HIP1: variants seen among roughly 807,000 people sequenced by gnomAD.
HIP1 encodes the protein huntingtin interacting protein 1, also known as huntingtin-interacting protein 1.
In HIP1, 65 loss-of-function variants were observed where a neutral mutation model predicts 147.6. The observed-to-expected ratio is 0.44, with a 90% CI of 0.36 to 0.54. The LOEUF (loss-of-function observed/expected upper bound fraction) is 0.54, where lower values mean the gene tolerates loss of function less well. HIP1 is among the 20% of genes least tolerant of loss of function. HIP1 has a pLI of 0.00. For synonymous variants in HIP1, 479 were observed against 504.0 expected (o/e 0.95, Z 0.67); for missense variants, 1,061 against 1,299.6 (o/e 0.82, Z 2.82).
chr7:75,558,638 AAT>A (rs1289991871), intron 14 of HIP1, among the ~76,000 whole-genome samples: 1 of 152,186 alleles, frequency 6.6e-6, no homozygotes, highest in East Asian at 1.9e-4. Context: ...TTGATTTAGG[AAT>A]GCATATATGC....
chr7:75,706,623 A>ATTTTTTTT (rs71082342), intron 1 of HIP1, among the ~76,000 whole-genome samples: 7 of 103,642 alleles, frequency 6.8e-5, no homozygotes, highest in Admixed American at 1.1e-4. Flanking sequence ...TCAACTCGTC[A>ATTTTTTTT]TTTTTTTTTT....
At chr7:75,725,416 C>T (rs1235351258) in intron 1 of HIP1, among the ~76,000 whole-genome samples, 2 of 152,082 alleles carry the variant, frequency 1.3e-5, no homozygotes, top group African/African-American at 4.8e-5. Context: ...TATCAAAAAC[C>T]ATTACCGAGG....
chr7:75,551,596 AC>A (rs1749859214), intron 22 of HIP1, among the ~76,000 whole-genome samples: 1 of 151,516 alleles, frequency 6.6e-6, no homozygotes, highest in Non-Finnish European at 1.5e-5. Context: ...CTGCAGGTGA[AC>A]CACTCTGCAG....
At chr7:75,565,175 G>C (rs2116855194) in intron 9 of HIP1, among the ~76,000 whole-genome samples, 1 of 152,320 alleles carries the variant, frequency 6.6e-6, no homozygotes, top group South Asian at 2.1e-4. Context: ...ACTTAGGCCT[G>C]TCTCTGTCTC....
intron 1 of HIP1, among the ~76,000 whole-genome samples, chr7:75,621,302 A>T (rs1214401473): frequency 2.1e-5 from 3 of 143,994 alleles, no homozygotes; most frequent in Non-Finnish European, 3.2e-5. Context: ...AGGCGCGAGG[A>T]AGTATGGCTA....
chr7:75,694,653 G>A (rs1648642164), intron 1 of HIP1, among the ~76,000 whole-genome samples: 1 of 148,996 alleles, frequency 6.7e-6, no homozygotes, highest in Non-Finnish European at 1.5e-5. Flanking sequence ...TGAGACTACA[G>A]GCACCACCAC....
rs149373358 is a variant in HIP1, at chr7:75,579,517, C to T, written c.604+1720G>A. On this transcript the variant is annotated intron_variant, in intron 7 of 30. Transcript: ENST00000336926. ...ATGTTGCCCAGGCTGGTCTTGAACTCCTGACTTCAGGTGATCCGCCCCCCT... is the reference window on the plus strand; with the variant it reads ...ATGTTGCCCAGGCTGGTCTTGAACTTCTGACTTCAGGTGATCCGCCCCCCT... Among the ~76,000 whole-genome samples, 1,324 of 151,956 alleles carry T rather than the reference C, an allele frequency of 8.7e-3. 15 individuals are homozygous for T. The highest frequency in any genetic ancestry group is 0.029 in the African/African-American group (1,218 of 41,336).
rs1794899496 is a variant in HIP1 at position 75,554,102 on chromosome 7, C to T, written c.2158+11G>A. On this transcript the variant is annotated intron_variant, in intron 21 of 30. Transcript: ENST00000336926. Reference sequence around the variant, plus strand: ...TGGTCCATGAACAGCCCCTCATGCCCCGGTACTCACAGTCGGCAGGCTCAG... The same window carrying T: ...TGGTCCATGAACAGCCCCTCATGCCTCGGTACTCACAGTCGGCAGGCTCAG... 1.2e-6 allele frequency: 2 copies of T among 1,606,958 alleles called. No individual in the cohort carries two copies. Among genetic ancestry groups the T allele is most frequent in the African/African-American group, 2.7e-5 (2 of 74,786 alleles).
At chr7:75,668,450 G>C (rs577385103) in intron 1 of HIP1, among the ~76,000 whole-genome samples, 2 of 152,212 alleles carry the variant, frequency 1.3e-5, no homozygotes, top group East Asian at 1.9e-4. Flanking sequence ...TCAGCCTCCC[G>C]AGTAGCTGGG....
intron 1 of HIP1, among the ~76,000 whole-genome samples, chr7:75,617,358 C>T (rs1353829087): frequency 3.3e-5 from 5 of 152,016 alleles, no homozygotes; most frequent in South Asian, 2.1e-4. Context: ...GGATTACAAG[C>T]GTGAGCCACC....
In HIP1 at chr7:75,568,988, G is replaced by A. The variant is rs1554496067; in HGVS notation, c.746-732C>T. Among the ~76,000 whole-genome samples, 1 of 151,978 alleles carries A rather than the reference G, an allele frequency of 6.6e-6. No homozygotes were observed. Among genetic ancestry groups the A allele is most frequent in the East Asian group, 1.9e-4 (1 of 5,168 alleles). On this transcript the variant is annotated intron_variant, in intron 8 of 30. Coordinates refer to ENST00000336926, the MANE Select transcript of HIP1 (RefSeq NM_005338.7). The surrounding 1 kb of genome is among the most constrained non-coding windows in gnomAD (Gnocchi z 4.1). ...TGCACCACTGCACTCCAGCCTGGGC[G>A]ACAGTGAGACTCTGTCAAAAAAAAG... is the stretch of plus-strand genomic sequence containing the variant.
chr7:75,536,205 A>T lies in HIP1; in HGVS notation c.*1967T>A. The T allele has an allele frequency of 4.8e-6, 1 of 209,960 alleles. No homozygotes were observed. The highest frequency in any genetic ancestry group is 9.7e-6 in the Non-Finnish European group (1 of 103,332). 13.0% of individuals were successfully genotyped at this position (209,960 alleles called of 1,614,324 possible). A position where few individuals can be genotyped will look rare whatever the true frequency, so the allele number is the denominator to read the frequency against. On this transcript the variant is annotated 3_prime_UTR_variant, in exon 31 of 31. Transcript: ENST00000336926. ...AAATACTAAGCAGAAAGCAGCATTCAACATTAAGACTGCCCAATTTCTAGT... is the reference window on the plus strand; with the variant it reads ...AAATACTAAGCAGAAAGCAGCATTCTACATTAAGACTGCCCAATTTCTAGT...
intron 1 of HIP1, among the ~76,000 whole-genome samples, chr7:75,688,426 G>A (rs1174138239): frequency 1.3e-5 from 2 of 152,094 alleles, no homozygotes; most frequent in Non-Finnish European, 2.9e-5. Context: ...GCGTCTGCAG[G>A]GGGTGGGGGG....
intron 1 of HIP1, among the ~76,000 whole-genome samples, chr7:75,619,837 C>A (rs1203188883): frequency 2.6e-5 from 4 of 152,172 alleles, no homozygotes; most frequent in African/African-American, 9.7e-5. Context: ...AATAGCTCTC[C>A]TCCCATGTCA....
chr7:75,600,479 A>G (rs1193752200), intron 1 of HIP1, among the ~76,000 whole-genome samples: 1 of 152,174 alleles, frequency 6.6e-6, no homozygotes, highest in Non-Finnish European at 1.5e-5. Flanking sequence ...AACACAGAAA[A>G]GGGATTATAT....
rs1030162792 is a variant in HIP1 at position 75,596,864 on chromosome 7, C to T, written c.184+2320G>A. Among the ~76,000 whole-genome samples the T allele has an allele frequency of 3.9e-5, 6 of 152,230 alleles. No individual in the cohort carries two copies. In the East Asian group the frequency reaches 1.2e-3, roughly 29 times the overall value. ...GGCAGCATGTGACCTGACCCTGCCG[C>T]TGCAGGCCTGGCCTCTCTGCACCCA... On this transcript the variant is annotated intron_variant, in intron 2 of 30. Coordinates refer to ENST00000336926, the MANE Select transcript of HIP1 (RefSeq NM_005338.7).
At chr7:75,551,907 T>C (rs782334695) in intron 22 of HIP1, among the ~76,000 whole-genome samples, 7 of 152,182 alleles carry the variant, frequency 4.6e-5, no homozygotes, top group Non-Finnish European at 1.0e-4. Flanking sequence ...ATTTATTTTT[T>C]GAGTGGAGTT....
At chr7:75,581,099 G>A (rs1796024534) in intron 7 of HIP1, 138 bp downstream of exon 7, 2 of 662,610 alleles carry the variant, frequency 3.0e-6, no homozygotes. Flanking sequence ...CCCTGCACGA[G>A]GGTTGGAGAG....
chr7:75,714,317 G>A (rs1325818741), intron 1 of HIP1, among the ~76,000 whole-genome samples: 6 of 152,148 alleles, frequency 3.9e-5, no homozygotes, highest in Non-Finnish European at 7.3e-5. Flanking sequence ...GGGATGACAG[G>A]CGTGAGCCGC....
Sources: gnomAD v4.1 joint callset for allele counts (sites outside exome capture counted in the v4.1 genomes callset) on GRCh38, gnomAD v4.1.1 for gene constraint, Gnocchi (gnomAD v3.1) non-coding constraint, MANE v1.5 for transcripts, NCBI Gene and HGNC (gene_info 2026-07-23, HGNC 2026-07-21) for gene names.